The following CFAP47 variants were observed in gnomAD, a reference collection of about 807,000 sequenced individuals.
The protein encoded by CFAP47 is cilia and flagella associated protein 47.
Under a neutral mutation model 148.1 loss-of-function variants are expected in CFAP47, and 29 were observed. The ratio of observed to expected loss-of-function variants is 0.20; its 90% CI spans 0.15 to 0.27. The LOEUF (loss-of-function observed/expected upper bound fraction) is 0.27, where lower values mean the gene tolerates loss of function less well. CFAP47 is among the 10% of genes least tolerant of loss of function. The pLI is 1.00. For missense variants in CFAP47, 1,872 were observed against 1,697.5 expected, an observed-to-expected ratio of 1.10 and a Z score of -1.81; for synonymous variants, 664 against 577.3, an observed-to-expected ratio of 1.15 and a Z score of -2.15.
chrX:36,051,140 G>A (rs1937518876), intron 26 of CFAP47, among the ~76,000 whole-genome samples: 1 of 111,899 alleles, frequency 8.9e-6, no homozygotes, highest in Non-Finnish European at 1.9e-5. Flanking sequence ...GAAGGGAAAT[G>A]TGGAATCAGA....
intron 46 of CFAP47, 145 bp downstream of exon 46, chrX:36,228,969 C>T: frequency 2.3e-6 from 1 of 428,712 alleles, no homozygotes; most frequent in South Asian, 3.8e-5. Context: ...ATGTCAGAAT[C>T]TCTTCCTAAA....
chrX:36,143,732 C>T (rs925726081), intron 35 of CFAP47, among the ~76,000 whole-genome samples: 1 of 111,649 alleles, frequency 9.0e-6, no homozygotes, highest in African/African-American at 3.3e-5. Flanking sequence ...GATACCATTG[C>T]GCTGTAATTT....
At chrX:36,106,702 C>G (rs763406179) in intron 33 of CFAP47, among the ~76,000 whole-genome samples, 2 of 111,636 alleles carry the variant, frequency 1.8e-5, no homozygotes, top group Non-Finnish European at 3.8e-5. Flanking sequence ...AGATGTATTA[C>G]TAGGTAAAAG....
intron 49 of CFAP47, among the ~76,000 whole-genome samples, chrX:36,263,959 ACT>A (rs1940860091): frequency 9.1e-6 from 1 of 110,487 alleles, no homozygotes; most frequent in African/African-American, 3.3e-5. Flanking sequence ...GGGCCCGAGG[ACT>A]CTTCAGTTAG....
chrX:36,175,839 T>C (rs779739355), intron 39 of CFAP47, among the ~76,000 whole-genome samples: 116 of 113,702 alleles, frequency 1.0e-3, no homozygotes, highest in African/African-American at 3.6e-3. Flanking sequence ...CAGTTCCAGC[T>C]TCCAGGCTGC....
At chrX:36,088,745 T>A (rs1342627699) in intron 30 of CFAP47, among the ~76,000 whole-genome samples, 1 of 111,658 alleles carries the variant, frequency 9.0e-6, no homozygotes, top group Non-Finnish European at 1.9e-5. Context: ...ATATCTAACA[T>A]CCTTTGATAC....
intron 48 of CFAP47, among the ~76,000 whole-genome samples, chrX:36,239,320 A>AAGAC (rs1940511927): frequency 8.9e-6 from 1 of 112,519 alleles, no homozygotes; most frequent in African/African-American, 3.2e-5. Context: ...ACTTGAAATA[A>AAGAC]TCTAAGAAGT....
chrX:36,352,220 T>C (rs890676061), intron 59 of CFAP47, among the ~76,000 whole-genome samples: 16 of 111,283 alleles, frequency 1.4e-4, no homozygotes, highest in African/African-American at 3.9e-4. Flanking sequence ...ATGATACTAA[T>C]TGTAACTTTG....
At chrX:36,234,347 C>T (rs1199138641) in intron 46 of CFAP47, among the ~76,000 whole-genome samples, 1 of 111,479 alleles carries the variant, frequency 9.0e-6, no homozygotes, top group Non-Finnish European at 1.9e-5. Context: ...CTTCCCTTCT[C>T]TCTTCATTTC....
intron 39 of CFAP47, among the ~76,000 whole-genome samples, chrX:36,177,468 A>T (rs1051699814): frequency 8.9e-6 from 1 of 111,834 alleles, no homozygotes; most frequent in Admixed American, 9.5e-5. Flanking sequence ...AATTTAGATG[A>T]GAATTTAGAA....
At chrX:36,067,677 C>G (rs936032485) in intron 27 of CFAP47, among the ~76,000 whole-genome samples, 18 of 66,167 alleles carry the variant, frequency 2.7e-4, no homozygotes, top group African/African-American at 1.3e-3. Context: ...TTTTTTTTTT[C>G]TTGGAGATGG....
intron 47 of CFAP47, among the ~76,000 whole-genome samples, chrX:36,236,456 A>G (rs1002658866): frequency 8.9e-6 from 1 of 112,256 alleles, no homozygotes; most frequent in African/African-American, 3.2e-5. Context: ...GAAAATACCT[A>G]TATACACTCT....
chrX:36,125,075 A>G (rs1029793865), intron 33 of CFAP47, among the ~76,000 whole-genome samples: 2 of 111,701 alleles, frequency 1.8e-5, no homozygotes, highest in African/African-American at 3.2e-5. Context: ...ATTACATACC[A>G]TATACCGAAA....
intron 15 of CFAP47, among the ~76,000 whole-genome samples, chrX:35,984,798 G>T (rs1936692976): frequency 9.0e-6 from 1 of 111,604 alleles, no homozygotes; most frequent in Admixed American, 9.6e-5. Flanking sequence ...TTATTGTGCT[G>T]TGGTCTGATG....
chrX:36,016,921 A>G (rs142003667), intron 22 of CFAP47, among the ~76,000 whole-genome samples: 3 of 110,226 alleles, frequency 2.7e-5, no homozygotes, highest in East Asian at 2.9e-4. Context: ...CTGATGATCA[A>G]TGATGTTGAG....
chrX:36,197,929 C>G (rs1555987442), intron 42 of CFAP47, among the ~76,000 whole-genome samples: 1 of 111,359 alleles, frequency 9.0e-6, no homozygotes, highest in Admixed American at 9.6e-5. Flanking sequence ...ATAGACCTCA[C>G]AGTGAGAAAT....
rs1569324335 is a variant in CFAP47 at position 36,353,554 on chromosome X, G to C, written c.8724G>C (p.Lys2908Asn). Residue 2908 changes from lysine to asparagine, a missense_variant, in exon 60 of 64, where the codon AAG (lysine) becomes AAC (asparagine). Transcript: ENST00000378653. ...PPVVIQCQSR[K>N]RAEEKVEIIL... The stretch of plus-strand genomic sequence containing the variant: ...TTGTCATACAATGTCAGTCCAGGAA[G>C]CGGGCAGAAGAGAAGGTAGAAATCA... 2 of 1,164,675 alleles carry C rather than the reference G, an allele frequency of 1.7e-6. No homozygotes were observed. The highest frequency in any genetic ancestry group is 2.3e-6 in the Non-Finnish European group (2 of 870,767).
rs781901671 is a variant in CFAP47 at position 36,309,702 on chromosome X, G to T, written c.8188-1131G>T. 1.6e-3 allele frequency among the ~76,000 whole-genome samples: 173 copies of T among 111,049 alleles called. 1 individual carries two copies. Among genetic ancestry groups the T allele is most frequent in the African/African-American group, 5.2e-3 (159 of 30,782 alleles). ...CTTGGCTCATTTACAATGGTTTAAA[G>T]TAACACGAGTTCTCCCATTTAAGAT... On this transcript the variant is annotated intron_variant, in intron 55 of 63. Coordinates refer to ENST00000378653, the MANE Select transcript of CFAP47 (RefSeq NM_001304548.2).
Position 36,235,751 on chromosome X carries a change from G to A in CFAP47, c.7015-183G>A, listed in dbSNP as rs782579186. Among the ~76,000 whole-genome samples, 9 of 112,168 alleles carry A rather than the reference G, an allele frequency of 8.0e-5. No homozygotes were observed. The South Asian group carries it at 3.3e-3, about 41-fold the overall frequency. ...CTGTAGACCGGAGCTGTTCCTATTC[G>A]GCCATCTTGGCTCCAGCACATCGAT... On this transcript the variant is annotated intron_variant, in intron 46 of 63. Coordinates refer to ENST00000378653, the MANE Select transcript of CFAP47 (RefSeq NM_001304548.2).
Sources: gnomAD v4.1 joint callset for allele counts (sites outside exome capture counted in the v4.1 genomes callset) on GRCh38, gnomAD v4.1.1 for gene constraint, MANE v1.5 for transcripts, NCBI Gene and HGNC (gene_info 2026-07-23, HGNC 2026-07-21) for gene names.